The following BBS4 variants were observed in gnomAD, a reference collection of about 807,000 sequenced individuals.
BBS4 encodes the protein Bardet-Biedl syndrome 4.
In BBS4, 58 loss-of-function variants were observed where a neutral mutation model predicts 71.4. The observed-to-expected ratio is 0.81, with a 90% CI of 0.66 to 1.01. The LOEUF (loss-of-function observed/expected upper bound fraction) is 1.01, where lower values mean the gene tolerates loss of function less well. Among genes scored for constraint, BBS4 ranks in the 50% least tolerant of loss-of-function variants. The pLI, the probability that BBS4 is intolerant of heterozygous loss-of-function variation, is 0.00. For synonymous variants in BBS4, 228 were observed against 216.8 expected, an observed-to-expected ratio of 1.05 and a Z score of -0.46; for missense variants, 660 against 607.9, an observed-to-expected ratio of 1.09 and a Z score of -0.90.
At chr15:72,735,623 C>T (rs541695974) in intron 13 of BBS4, 3 of 694,962 alleles carry the variant, frequency 4.3e-6, no homozygotes, top group Admixed American at 4.5e-5. Context: ...CAGATTTGGT[C>T]CCAATACCAG....
chr15:72,703,317 G>C (rs1002079084), intron 2 of BBS4, among the ~76,000 whole-genome samples: 1 of 152,114 alleles, frequency 6.6e-6, no homozygotes, highest in African/African-American at 2.4e-5. Context: ...TCCCTGTTGG[G>C]CCTCTCATTT....
intron 2 of BBS4, among the ~76,000 whole-genome samples, chr15:72,706,656 G>A (rs1256436018): frequency 6.6e-6 from 1 of 152,054 alleles, no homozygotes; most frequent in Non-Finnish European, 1.5e-5. Context: ...CTAGAAGGGT[G>A]GTTCTACTAA....
At chr15:72,700,234 G>A (rs567563440) in intron 2 of BBS4, among the ~76,000 whole-genome samples, 6 of 152,238 alleles carry the variant, frequency 3.9e-5, no homozygotes, top group Middle Eastern at 3.4e-3. Flanking sequence ...CACTGCACCC[G>A]GCCTGAACAT....
At position 72,686,255 on chromosome 15, in the gene BBS4, A is replaced by C; in HGVS notation, c.24+4A>C. 3.8e-6 allele frequency: 6 copies of C among 1,565,240 alleles called. No homozygotes were observed. The highest frequency in any genetic ancestry group is 5.2e-6 in the Non-Finnish European group (6 of 1,155,714). ...GGCTGAGGAGAGAGTCGCGACGGTGAGCGCCGAGATTCTCTTTAGTTGCCC... is the reference window on the plus strand; with the variant it reads ...GGCTGAGGAGAGAGTCGCGACGGTGCGCGCCGAGATTCTCTTTAGTTGCCC... On this transcript the variant is annotated splice_donor_region_variant and intron_variant, in intron 1 of 15. Coordinates refer to ENST00000268057, the MANE Select transcript of BBS4 (RefSeq NM_033028.5).
chr15:72,738,040 C>T lies in BBS4; in HGVS notation c.*453C>T, dbSNP rs971912565. ...TCAGGTTGTGAGGTTTATTAGTCCC[C>T]AAGGCAAACACAAATATTAGATTAA... On this transcript the variant is annotated 3_prime_UTR_variant, in exon 16 of 16. Coordinates refer to ENST00000268057, the MANE Select transcript of BBS4 (RefSeq NM_033028.5). The T allele has an allele frequency of 6.6e-6, 3 of 453,842 alleles. No individual in the cohort carries two copies. Among genetic ancestry groups the T allele is most frequent in the Non-Finnish European group, 8.8e-6 (2 of 226,818 alleles). 28.1% of individuals were successfully genotyped at this position (453,842 alleles called of 1,614,324 possible).
At chr15:72,701,579 G>GCA (rs148977231) in intron 2 of BBS4, among the ~76,000 whole-genome samples, 15,035 of 151,654 alleles carry the variant, frequency 0.099, 846 homozygotes, top group Non-Finnish European at 0.12. Flanking sequence ...GTGTACAAAC[G>GCA]CACACACACA....
In BBS4 at chr15:72,702,590, A is replaced by C. The variant is rs113540802; in HGVS notation, c.77-7110A>C. ...CATTTCAAGCTAATGAGAAGCAAAC[A>C]AACTGGATAGCAGCAATATAATTAA... On this transcript the variant is annotated intron_variant, in intron 2 of 15. Transcript: ENST00000268057. Among the ~76,000 whole-genome samples the C allele has an allele frequency of 4.6e-4, 70 of 152,298 alleles. 1 individual carries two copies. The highest frequency in any genetic ancestry group is 1.5e-3 in the African/African-American group (63 of 41,578).
At position 72,727,958 on chromosome 15, in the gene BBS4, A is replaced by G. The variant is rs1394262277; in HGVS notation, c.606A>G (p.Thr202=). 3 of 1,612,732 alleles carry G rather than the reference A, an allele frequency of 1.9e-6. No individual in the cohort carries two copies. The African/African-American group carries it at 4.0e-5, about 22-fold the overall frequency. ...KKAVEFSPEN[T]ELLTTLGLLY... is the part of the protein sequence containing the mutation. ...GTTGCAGGTTCTCACCAGAAAATAC[A>G]GAGCTTCTTACAACTTTAGGATTAC... The change falls in exon 9 of 16, where the codon ACA becomes ACG. Residue 202 remains threonine (T), a synonymous_variant. Coordinates refer to ENST00000268057, the MANE Select transcript of BBS4 (RefSeq NM_033028.5).
chr15:72,724,387 T>G, intron 7 of BBS4, 141 bp from the exon 8 acceptor site: 2 of 1,226,284 alleles, frequency 1.6e-6, no homozygotes, highest in Non-Finnish European at 2.3e-6. Flanking sequence ...TATGTTTTGG[T>G]CTTTGGGTAG....
intron 8 of BBS4, among the ~76,000 whole-genome samples, 171 bp from the exon 9 acceptor site, chr15:72,727,769 T>C (rs557656622): frequency 6.6e-6 from 1 of 152,294 alleles, no homozygotes; most frequent in Non-Finnish European, 1.5e-5. Flanking sequence ...ATCACCAGGG[T>C]TGAGATGACC....
chr15:72,707,177 C>CTTTTTTTTTTTTTTTTTTTTTT (rs756415809), intron 2 of BBS4, among the ~76,000 whole-genome samples: 1 of 132,448 alleles, frequency 7.6e-6, no homozygotes, highest in African/African-American at 2.7e-5. Flanking sequence ...TTCCTTTTTT[C>CTTTTTTTTTTTTTTTTTTTTTT]TTTTCTTTTT....
At chr15:72,712,030 G>A (rs1289868866) in intron 3 of BBS4, among the ~76,000 whole-genome samples, 1 of 151,828 alleles carries the variant, frequency 6.6e-6, no homozygotes, top group Non-Finnish European at 1.5e-5. Flanking sequence ...ACTACTGCCC[G>A]GCTAATTTTT....
chr15:72,724,429 A>ATGT, intron 7 of BBS4, 99 bp from the exon 8 acceptor site: 1 of 1,551,486 alleles, frequency 6.4e-7, no homozygotes, highest in South Asian at 1.1e-5. Flanking sequence ...TGATGTTCCT[A>ATGT]TGTCAATACA....
intron 2 of BBS4, among the ~76,000 whole-genome samples, chr15:72,708,924 T>G (rs2065315020): frequency 6.6e-6 from 1 of 152,190 alleles, no homozygotes; most frequent in South Asian, 2.1e-4. Context: ...TTTCTGTTGT[T>G]TAAGATGTTT....
intron 12 of BBS4, among the ~76,000 whole-genome samples, chr15:72,731,949 T>TA (rs2065834011): frequency 6.6e-6 from 1 of 152,194 alleles, no homozygotes; most frequent in Non-Finnish European, 1.5e-5. Context: ...ACAGGTTAAA[T>TA]AAAGATCATC....
In BBS4 at chr15:72,695,248, G is replaced by A; in HGVS notation, c.76+20G>A. On this transcript the variant is annotated intron_variant, in intron 2 of 15. Coordinates refer to ENST00000268057, the MANE Select transcript of BBS4 (RefSeq NM_033028.5). ...AAAAAGGTCTGTATGCAGTTTCATG[G>A]TATGTGTATGTTTGCACAGACAGAT... The A allele has an allele frequency of 1.3e-6, 2 of 1,482,810 alleles. No individual in the cohort carries two copies. Among genetic ancestry groups the A allele is most frequent in the Middle Eastern group, 1.8e-4 (1 of 5,500 alleles). 91.9% of individuals were successfully genotyped at this position (1,482,810 alleles called of 1,614,324 possible). A position where few individuals can be genotyped will look rare whatever the true frequency, so the allele number is the denominator to read the frequency against.
chr15:72,738,443 A>G lies in BBS4; in HGVS notation c.*856A>G. The G allele has an allele frequency of 2.7e-6, 1 of 373,052 alleles. No individual in the cohort carries two copies. The highest frequency in any genetic ancestry group is 5.2e-6 in the Non-Finnish European group (1 of 192,696). 23.1% of individuals were successfully genotyped at this position (373,052 alleles called of 1,614,324 possible). On this transcript the variant is annotated 3_prime_UTR_variant, in exon 16 of 16. Coordinates refer to ENST00000268057, the MANE Select transcript of BBS4 (RefSeq NM_033028.5). ...AAATTGTTATTCAGGTATAAAAACAAGAGATCATAATAAAAACCTAAAAGA... is the reference window on the plus strand; with the variant it reads ...AAATTGTTATTCAGGTATAAAAACAGGAGATCATAATAAAAACCTAAAAGA...
chr15:72,735,955 T>A lies in BBS4; in HGVS notation c.1237T>A (p.Phe413Ile). The change falls in exon 14 of 16, where the codon TTT (phenylalanine) becomes ATT (isoleucine). Residue 413 changes from phenylalanine (F) to isoleucine (I), a missense_variant. Phe to Ile is a conservative substitution (Grantham distance 21). Transcript: ENST00000268057. Reference sequence around the variant, plus strand: ...ACTCAAGGACAATAGCTCTCTGGAATTTGACTCTGAGGTATGTCTTTTATT... The same window carrying A: ...ACTCAAGGACAATAGCTCTCTGGAAATTGACTCTGAGGTATGTCTTTTATT... ...SLLKDNSSLE[F>I]DSEMVEMAQK... 1 of 1,614,120 alleles carries A rather than the reference T, an allele frequency of 6.2e-7. No homozygotes were observed. Among genetic ancestry groups the A allele is most frequent in the Non-Finnish European group, 8.5e-7 (1 of 1,180,028 alleles).
chr15:72,710,957 A>ATT (rs1019864390), intron 3 of BBS4, among the ~76,000 whole-genome samples: 8 of 137,930 alleles, frequency 5.8e-5, no homozygotes, highest in African/African-American at 1.3e-4. Context: ...TGCCCAGCTA[A>ATT]TTTTTTTTTT....
Sources: gnomAD v4.1 joint callset for allele counts (sites outside exome capture counted in the v4.1 genomes callset) on GRCh38, gnomAD v4.1.1 for gene constraint, MANE v1.5 for transcripts, NCBI Gene and HGNC (gene_info 2026-07-23, HGNC 2026-07-21) for gene names.